FMNL3: variants seen among roughly 807,000 people sequenced by gnomAD.
The protein encoded by FMNL3 is formin like 3, also known as formin-like protein 3.
A neutral mutation model predicts 119.6 loss-of-function variants in FMNL3; 57 were observed. That is an observed-to-expected ratio of 0.48 (90% CI 0.39 to 0.59). The LOEUF is 0.59. Ranked by LOEUF, FMNL3 falls within the 20% of genes least tolerant of loss-of-function variation. The probability of loss-of-function intolerance (pLI) is 0.00; values close to 1 mark genes in which losing one functional copy is unlikely to be tolerated. For missense variants in FMNL3, 1,053 were observed against 1,323.5 expected (o/e 0.80, Z 3.17); for synonymous variants, 491 against 507.3 (o/e 0.97, Z 0.43).
intron 1 of FMNL3, among the ~76,000 whole-genome samples, chr12:49,686,357 G>A (rs754636714): frequency 1.7e-4 from 26 of 151,750 alleles, no homozygotes; most frequent in Non-Finnish European, 2.2e-4. Flanking sequence ...CGACGCAGGC[G>A]GATCACGAGG....
At position 49,644,311 on chromosome 12, in the gene FMNL3, C is replaced by T. The variant is rs1943056301; in HGVS notation, c.*1504G>A. 8.9e-7 allele frequency: 1 copy of T among 1,125,384 alleles called. No homozygotes were observed. Among genetic ancestry groups the T allele is most frequent in the Non-Finnish European group, 1.3e-6 (1 of 768,722 alleles). 69.7% of individuals were successfully genotyped at this position (1,125,384 alleles called of 1,614,324 possible). ...TGTGTCCACTTTTTCTAAAGTAACC[C>T]CACCCCCAGCACACCATTGTTGGCA... is the stretch of plus-strand genomic sequence containing the variant. On this transcript the variant is annotated 3_prime_UTR_variant, in exon 26 of 26. Coordinates refer to ENST00000335154, the MANE Select transcript of FMNL3 (RefSeq NM_175736.5).
At position 49,654,967 on chromosome 12, in the gene FMNL3, G is replaced by C. The variant is rs1447149107; in HGVS notation, c.903C>G (p.His301Gln). Residue 301 changes from histidine to glutamine, a missense_variant, in exon 10 of 26, where the codon CAC becomes CAG. Physicochemically the swap from His to Gln is conservative, Grantham distance 24 (BLOSUM62 0). This residue lies in a region of FMNL3 where 445 missense variants were observed against 628.4 expected (regional missense o/e 0.71). Transcript: ENST00000335154. ...DNFKEVCKEL[H>Q]RFEKLMEYFR... ...AATACTCCATCAGCTTCTCAAAGCGGTGCAGCTCCTTGCATACCTGAATGA... is the reference window on the plus strand; with the variant it reads ...AATACTCCATCAGCTTCTCAAAGCGCTGCAGCTCCTTGCATACCTGAATGA... The C allele has an allele frequency of 6.2e-7, 1 of 1,613,960 alleles. No individual in the cohort carries two copies. Among genetic ancestry groups the C allele is most frequent in the African/African-American group, 1.3e-5 (1 of 74,910 alleles).
intron 2 of FMNL3, 69 bp from the exon 3 acceptor site, chr12:49,666,276 A>C (rs1205756261): frequency 7.2e-7 from 1 of 1,383,942 alleles, no homozygotes; most frequent in Non-Finnish European, 1.0e-6. Context: ...ACTGAGGAAG[A>C]AGAGCATTCA....
intron 13 of FMNL3, among the ~76,000 whole-genome samples, chr12:49,652,914 C>T (rs1406074203): frequency 3.9e-5 from 6 of 152,100 alleles, no homozygotes; most frequent in South Asian, 2.1e-4. Flanking sequence ...GGGAGGAACA[C>T]GGGGGTAGAG....
chr12:49,646,747 T>C, intron 25 of FMNL3, 139 bp downstream of exon 25: 1 of 1,587,748 alleles, frequency 6.3e-7, no homozygotes, highest in Non-Finnish European at 8.6e-7. Context: ...AGGGACACTC[T>C]TCAGCACTGT....
intron 17 of FMNL3, 69 bp downstream of exon 17, chr12:49,650,607 C>A: frequency 6.4e-7 from 1 of 1,567,190 alleles, no homozygotes. Flanking sequence ...TAGGGAAACC[C>A]AGGCTCCTGG....
chr12:49,678,948 G>C (rs953022630), intron 1 of FMNL3, among the ~76,000 whole-genome samples: 3 of 152,340 alleles, frequency 2.0e-5, no homozygotes, highest in South Asian at 4.1e-4. Flanking sequence ...GGAAATTACA[G>C]CAGGCAGAAA....
At position 49,645,833 on chromosome 12, in the gene FMNL3, C is replaced by T; in HGVS notation, c.3066G>A (p.Arg1022=). 6.3e-7 allele frequency: 1 copy of T among 1,599,642 alleles called. No individual in the cohort carries two copies. Among genetic ancestry groups the T allele is most frequent in the Non-Finnish European group, 8.5e-7 (1 of 1,174,946 alleles). ...RSAAPPSGPP[R]APGPH ...GAGGGTCTCAGTGGGGGCCTGGAGC[C>T]CGAGGGGGACCACTGGGCGGTGCAG... Residue 1022 remains arginine (R), a synonymous_variant, in exon 26 of 26, where the codon CGG becomes CGA. Transcript: ENST00000335154.
intron 13 of FMNL3, 142 bp downstream of exon 13, chr12:49,653,084 G>T: frequency 1.4e-6 from 1 of 739,972 alleles, no homozygotes. Flanking sequence ...GAAATCATCA[G>T]CCCACCCACA....
chr12:49,696,958 G>C (rs191753909), intron 1 of FMNL3, among the ~76,000 whole-genome samples: 18 of 152,274 alleles, frequency 1.2e-4, no homozygotes, highest in Middle Eastern at 6.8e-3. Flanking sequence ...GGCAGCCAGG[G>C]CTTCCTCAGC....
chr12:49,636,687 T>C lies in FMNL3; in HGVS notation c.*9128A>G, dbSNP rs372672216. ...CTGAGAGGGTATCCTGCTGGGACAA[T>C]GCCCGCGGAACCTCCTGCCTGTCTT... is the stretch of plus-strand genomic sequence containing the variant. On this transcript the variant is annotated 3_prime_UTR_variant, in exon 26 of 26. Transcript: ENST00000335154. The C allele has an allele frequency of 4.9e-5, 79 of 1,612,728 alleles. 2 individuals are homozygous for C. The East Asian group carries it at 6.0e-4, about 12-fold the overall frequency.
rs1369695097 is a variant in FMNL3 at position 49,647,337 on chromosome 12, T to A, written c.2810A>T (p.Lys937Met). 6.2e-7 allele frequency: 1 copy of A among 1,613,712 alleles called. No homozygotes were observed. ...CTTCTCCCGCATTACCTCCTCCTGC[T>A]TCTTGCGGGCTTCATTCTCTTGTTC... is the stretch of plus-strand genomic sequence containing the variant. The part of the protein sequence containing the change: ...EAEQENEARK[K>M]QEEVMREKQL... The change falls in exon 24 of 26, where the codon AAG becomes ATG. Residue 937 changes from lysine to methionine, a missense_variant. Transcript: ENST00000335154. The surrounding 1 kb of genome is among the most constrained non-coding windows in gnomAD (Gnocchi z 4.9).
chr12:49,639,666 T>C lies in FMNL3; in HGVS notation c.*6149A>G. The C allele has an allele frequency of 6.6e-6, 1 of 152,032 alleles. No individual in the cohort carries two copies. Among genetic ancestry groups the C allele is most frequent in the East Asian group, 1.9e-4 (1 of 5,190 alleles). 9.4% of individuals were successfully genotyped at this position (152,032 alleles called of 1,614,324 possible). A position where few individuals can be genotyped will look rare whatever the true frequency, so the allele number is the denominator to read the frequency against. ...GTTCTACATAAGATTTCTATTTTAA[T>C]AAACTGTTTCTGCTGTTTAAAAAAA... On this transcript the variant is annotated 3_prime_UTR_variant, in exon 26 of 26. Transcript: ENST00000335154.
intron 1 of FMNL3, among the ~76,000 whole-genome samples, chr12:49,700,852 G>T (rs1944891153): frequency 6.6e-6 from 1 of 151,794 alleles, no homozygotes; most frequent in African/African-American, 2.4e-5. Flanking sequence ...GGCCGAGGTG[G>T]GTAGATCTAA....
intron 1 of FMNL3, 144 bp downstream of exon 1, chr12:49,706,911 T>G: frequency 1.0e-6 from 1 of 999,122 alleles, no homozygotes; most frequent in South Asian, 1.7e-5. Flanking sequence ...GCTCAGAGGT[T>G]CCTGGGAAGA....
intron 1 of FMNL3, among the ~76,000 whole-genome samples, chr12:49,673,290 C>T (rs1324825253): frequency 6.6e-6 from 1 of 152,246 alleles, no homozygotes; most frequent in Non-Finnish European, 1.5e-5. Context: ...CACAGATCAG[C>T]TCATTGAGCA....
intron 10 of FMNL3, among the ~76,000 whole-genome samples, 153 bp downstream of exon 10, chr12:49,654,757 G>C (rs985493680): frequency 5.3e-5 from 8 of 152,120 alleles, no homozygotes; most frequent in Non-Finnish European, 1.0e-4. Context: ...AGAGCTCTCT[G>C]GGGTAGGCAG....
At chr12:49,656,312 T>A in intron 9 of FMNL3, 92 bp downstream of exon 9, 1 of 937,582 alleles carries the variant, frequency 1.1e-6, no homozygotes, top group Non-Finnish European at 1.6e-6. Flanking sequence ...TTAAAAATCA[T>A]TGCAGATCAC....
At chr12:49,670,586 T>C (rs1944018843) in intron 1 of FMNL3, among the ~76,000 whole-genome samples, 1 of 152,050 alleles carries the variant, frequency 6.6e-6, no homozygotes, top group Admixed American at 6.5e-5. Flanking sequence ...ACCAAAGAAG[T>C]GGGGCAGGTG....
Sources: gnomAD v4.1 joint callset for allele counts (sites outside exome capture counted in the v4.1 genomes callset) on GRCh38, gnomAD v4.1.1 for gene constraint, gnomAD v4.1.1 regional missense constraint, Gnocchi (gnomAD v3.1) non-coding constraint, MANE v1.5 for transcripts, NCBI Gene and HGNC (gene_info 2026-07-23, HGNC 2026-07-21) for gene names.